PSTPIP1: variants seen among roughly 807,000 people sequenced by gnomAD.
PSTPIP1 encodes the protein proline-serine-threonine phosphatase-interacting protein 1.
In PSTPIP1, 66 loss-of-function variants were observed where a neutral mutation model predicts 69.6. The observed-to-expected ratio is 0.95, with a 90% CI of 0.78 to 1.16. The LOEUF is 1.16. Among genes scored for constraint, PSTPIP1 ranks in the 50% most tolerant of loss-of-function variants. The pLI, the probability that PSTPIP1 is intolerant of heterozygous loss-of-function variation, is 0.00. For synonymous variants in PSTPIP1, 266 were observed against 222.7 expected, an observed-to-expected ratio of 1.19 and a Z score of -1.73; for missense variants, 603 against 557.4, an observed-to-expected ratio of 1.08 and a Z score of -0.82.
intron 10 of PSTPIP1, 66 bp from the exon 11 acceptor site, chr15:77,032,232 A>G (rs2076435510): frequency 1.3e-6 from 2 of 1,532,146 alleles, no homozygotes; most frequent in Admixed American, 1.8e-5. Context: ...GCCGCTGGTC[A>G]GAGTTCAGGC....
At chr15:77,031,071 A>T (rs1443390352) in intron 9 of PSTPIP1, 109 bp from the exon 10 acceptor site, 1 of 1,088,844 alleles carries the variant, frequency 9.2e-7, no homozygotes, top group East Asian at 2.4e-5. Flanking sequence ...CTGGGCTTCC[A>T]GCAGAGAGGG....
At chr15:77,036,065 C>G in intron 14 of PSTPIP1, 130 bp downstream of exon 14, 4 of 1,249,192 alleles carry the variant, frequency 3.2e-6, no homozygotes, top group Non-Finnish European at 4.3e-6. Flanking sequence ...CTCTCCTCCT[C>G]AGGAGGGCAC....
intron 1 of PSTPIP1, among the ~76,000 whole-genome samples, chr15:77,013,171 T>C (rs1218486603): frequency 1.3e-5 from 2 of 152,226 alleles, no homozygotes; most frequent in Non-Finnish European, 2.9e-5. Flanking sequence ...CTTCCAAAGC[T>C]GCTGCTACGT....
At chr15:77,002,752 A>G (rs2152665939) in intron 1 of PSTPIP1, among the ~76,000 whole-genome samples, 1 of 152,264 alleles carries the variant, frequency 6.6e-6, no homozygotes, top group South Asian at 2.1e-4. Context: ...TTCTGAATTC[A>G]ATTTTATTCT....
intron 11 of PSTPIP1, 190 bp downstream of exon 11, chr15:77,032,584 C>A (rs1045058465): frequency 1.1e-5 from 7 of 645,450 alleles, no homozygotes; most frequent in Middle Eastern, 2.5e-4. Context: ...AAGCTAAGGG[C>A]ATGATGGCAC....
Position 76,997,659 on chromosome 15 carries a change from C to T in PSTPIP1, c.36+2050C>T, listed in dbSNP as rs76174831. On this transcript the variant is annotated intron_variant, in intron 1 of 14. Coordinates refer to ENST00000558012, the MANE Select transcript of PSTPIP1 (RefSeq NM_003978.5). The stretch of plus-strand genomic sequence containing the variant: ...TAGCACTTGTGTTGTTGCAGGATCC[C>T]TCTGTCTATCTGACATATCACTGGA... Among the ~76,000 whole-genome samples the T allele has an allele frequency of 7.6e-3, 1,164 of 152,218 alleles. 1 individual carries two copies. Among genetic ancestry groups the T allele is most frequent in the African/African-American group, 0.019 (787 of 41,466 alleles).
chr15:76,998,369 A>G (rs923379359), intron 1 of PSTPIP1, among the ~76,000 whole-genome samples: 1 of 152,210 alleles, frequency 6.6e-6, no homozygotes, highest in African/African-American at 2.4e-5. Flanking sequence ...TTTAGCTCAC[A>G]GTAAGGGAGG....
intron 13 of PSTPIP1, 24 bp downstream of exon 13, chr15:77,035,587 C>T: frequency 6.4e-7 from 1 of 1,563,040 alleles, no homozygotes; most frequent in Non-Finnish European, 8.7e-7. Flanking sequence ...GGAGGGGACC[C>T]CCAAACACAC....
chr15:77,029,533 A>T lies in PSTPIP1; in HGVS notation c.521A>T (p.Gln174Leu). Reference sequence around the variant, plus strand: ...GCTTCCCCTCTGTTTCCTCAGAGTCAGAACAAAGCCAGGCAGTGCAAGGAC... The same window carrying T: ...GCTTCCCCTCTGTTTCCTCAGAGTCTGAACAAAGCCAGGCAGTGCAAGGAC... Reference protein sequence around the residue: ...NGHQKQVEKSQNKARQCKDSA... With the variant: ...NGHQKQVEKSLNKARQCKDSA... The change falls in exon 8 of 15, where the codon CAG (glutamine) becomes CTG (leucine). Residue 174 changes from glutamine to leucine, a missense_variant. Coordinates refer to ENST00000558012, the MANE Select transcript of PSTPIP1 (RefSeq NM_003978.5). 1 of 1,581,300 alleles carries T rather than the reference A, an allele frequency of 6.3e-7. No individual in the cohort carries two copies.
chr15:77,024,596 A>AG (rs1484269047), intron 3 of PSTPIP1, among the ~76,000 whole-genome samples: 1 of 152,194 alleles, frequency 6.6e-6, no homozygotes, highest in Non-Finnish European at 1.5e-5. Context: ...AAATACTACA[A>AG]GGGGCATACT....
intron 1 of PSTPIP1, among the ~76,000 whole-genome samples, chr15:76,998,448 C>T (rs140930550): frequency 1.9e-4 from 29 of 152,336 alleles, no homozygotes; most frequent in Middle Eastern, 3.4e-3. Context: ...TCATATACTA[C>T]ACTCCTAGGA....
chr15:77,005,205 G>A (rs970087574), intron 1 of PSTPIP1, among the ~76,000 whole-genome samples: 1 of 152,176 alleles, frequency 6.6e-6, no homozygotes, highest in Admixed American at 6.5e-5. Flanking sequence ...CCAACATGGT[G>A]AAACCCTGTC....
At chr15:77,034,538 G>A (rs1401809261) in intron 12 of PSTPIP1, among the ~76,000 whole-genome samples, 1 of 151,434 alleles carries the variant, frequency 6.6e-6, no homozygotes, top group Non-Finnish European at 1.5e-5. Flanking sequence ...GATCCCTCAG[G>A]GTCTGGTCCA....
intron 13 of PSTPIP1, 43 bp downstream of exon 13, chr15:77,035,606 G>C: frequency 6.5e-7 from 1 of 1,544,876 alleles, no homozygotes; most frequent in Non-Finnish European, 8.8e-7. Context: ...ACTGATCCTG[G>C]GGGGGAGGAG....
rs770958110 is a variant in PSTPIP1 at position 77,031,212 on chromosome 15, C to T, written c.675C>T (p.Thr225=). The T allele has an allele frequency of 1.2e-5, 19 of 1,612,944 alleles. No individual in the cohort carries two copies. Among genetic ancestry groups the T allele is most frequent in the Non-Finnish European group, 1.5e-5 (18 of 1,179,712 alleles). ...AFQLQEFDRL[T]ILRNALWVHS... Reference sequence around the variant, plus strand: ...AGCTGCAAGAGTTTGACCGGCTGACCATTCTCCGCAACGCCCTGTGGGTGC... The same window carrying T: ...AGCTGCAAGAGTTTGACCGGCTGACTATTCTCCGCAACGCCCTGTGGGTGC... The change falls in exon 10 of 15, where the codon ACC becomes ACT. Residue 225 remains threonine (T), a synonymous_variant. Coordinates refer to ENST00000558012, the MANE Select transcript of PSTPIP1 (RefSeq NM_003978.5).
intron 1 of PSTPIP1, among the ~76,000 whole-genome samples, chr15:76,997,527 A>G (rs953549898): frequency 2.6e-5 from 4 of 152,214 alleles, no homozygotes; most frequent in African/African-American, 9.6e-5. Context: ...CTTCAAACAC[A>G]TGCTACTGTT....
intron 7 of PSTPIP1, 82 bp downstream of exon 7, chr15:77,028,734 C>T (rs2076346557): frequency 1.7e-6 from 2 of 1,208,416 alleles, no homozygotes; most frequent in Non-Finnish European, 2.3e-6. Flanking sequence ...GTAGACACCC[C>T]CAGGCAAGAT....
At chr15:77,010,945 CCTCT>C (rs1170273054) in intron 1 of PSTPIP1, among the ~76,000 whole-genome samples, 2 of 152,112 alleles carry the variant, frequency 1.3e-5, no homozygotes, top group African/African-American at 4.8e-5. Flanking sequence ...CACGTCCAGC[CCTCT>C]CTCTCTTTTC....
chr15:77,027,850 A>G lies in PSTPIP1; in HGVS notation c.355-2A>G. 1 of 1,564,972 alleles carries G rather than the reference A, an allele frequency of 6.4e-7. No individual in the cohort carries two copies. The highest frequency in any genetic ancestry group is 1.2e-5 in the South Asian group (1 of 84,808). ...CGGCTCAGAACCTCGTGTCCCCTGC[A>G]GTATGAGGCCGTCATGGACCGGGTC... On this transcript the variant is annotated splice_acceptor_variant, in intron 5 of 14. Transcript: ENST00000558012. LOFTEE classifies it high-confidence loss of function. This position sits in a 1 kb window ranked among gnomAD's most constrained non-coding sequence, Gnocchi z 4.3.
Sources: gnomAD v4.1 joint callset for allele counts (sites outside exome capture counted in the v4.1 genomes callset) on GRCh38, gnomAD v4.1.1 for gene constraint, Gnocchi (gnomAD v3.1) non-coding constraint, MANE v1.5 for transcripts, NCBI Gene and HGNC (gene_info 2026-07-23, HGNC 2026-07-21) for gene names.